Variants in PCDH15 observed in about 807,000 individuals in gnomAD.
PCDH15 encodes protocadherin-15.
Under a neutral mutation model 178.5 loss-of-function variants are expected in PCDH15, and 129 were observed. The ratio of observed to expected loss-of-function variants is 0.72; its 90% CI spans 0.63 to 0.84. The LOEUF is 0.84. Ranked by LOEUF, PCDH15 falls within the 40% of genes least tolerant of loss-of-function variation. The probability of loss-of-function intolerance (pLI) is 0.00; values close to 1 mark genes in which losing one functional copy is unlikely to be tolerated. For missense variants in PCDH15, 2,230 were observed against 2,099.9 expected, an observed-to-expected ratio of 1.06 and a Z score of -1.21; for synonymous variants, 800 against 732.0, an observed-to-expected ratio of 1.09 and a Z score of -1.50.
chr10:54,801,591 A>G (rs1005531372), upstream of PCDH15, among the ~76,000 whole-genome samples: 1 of 152,198 alleles, frequency 6.6e-6, no homozygotes, highest in Non-Finnish European at 1.5e-5. Flanking sequence ...CGTTGACAAG[A>G]TAAAATAATC....
At chr10:54,819,032 C>A (rs980621832) in intron 3 of PCDH15, among the ~76,000 whole-genome samples, 5 of 151,976 alleles carry the variant, frequency 3.3e-5, no homozygotes, top group African/African-American at 1.2e-4. Flanking sequence ...TCAAGAAATT[C>A]TCCTGTCTTA....
chr10:55,329,677 T>C (rs201275009), intron 2 of PCDH15, among the ~76,000 whole-genome samples: 1 of 151,790 alleles, frequency 6.6e-6, no homozygotes, highest in Non-Finnish European at 1.5e-5. Flanking sequence ...ATGAAACCTA[T>C]AGAGAGTGGG....
intron 2 of PCDH15, among the ~76,000 whole-genome samples, chr10:55,070,343 A>C (rs1246365566): frequency 2.5e-3 from 372 of 151,802 alleles, no homozygotes; most frequent in Non-Finnish European, 3.3e-3. Flanking sequence ...TTAGACATGA[A>C]GTCCTTGCCC....
At chr10:55,586,262 C>G (rs949609880) in intron 2 of PCDH15, among the ~76,000 whole-genome samples, 1 of 151,938 alleles carries the variant, frequency 6.6e-6, no homozygotes, top group Non-Finnish European at 1.5e-5. Flanking sequence ...ATCTAACTTA[C>G]TACGAACCCC....
At chr10:53,892,476 AATG>A (rs1279207272) in intron 26 of PCDH15, among the ~76,000 whole-genome samples, 5 of 152,154 alleles carry the variant, frequency 3.3e-5, no homozygotes, top group African/African-American at 7.2e-5. Flanking sequence ...TTGCTAGGAG[AATG>A]ATATTTTTTG....
At chr10:54,295,787 G>A (rs1255598422) in intron 8 of PCDH15, among the ~76,000 whole-genome samples, 1 of 152,126 alleles carries the variant, frequency 6.6e-6, no homozygotes, top group African/African-American at 2.4e-5. Flanking sequence ...CCTTTCACTT[G>A]CAATTCTGTT....
chr10:54,693,128 A>T (rs1478258699), intron 1 of PCDH15, among the ~76,000 whole-genome samples: 1 of 151,974 alleles, frequency 6.6e-6, no homozygotes, highest in Non-Finnish European at 1.5e-5. Context: ...GAGTGAGAAC[A>T]TGTGGTATTT....
chr10:54,919,038 T>C (rs1837416987), intron 2 of PCDH15, among the ~76,000 whole-genome samples: 1 of 152,174 alleles, frequency 6.6e-6, no homozygotes, highest in African/African-American at 2.4e-5. Flanking sequence ...GTGTAGTTTA[T>C]ATTAAATGCT....
At chr10:54,891,494 C>A (rs974182263) in intron 3 of PCDH15, among the ~76,000 whole-genome samples, 25 of 152,060 alleles carry the variant, frequency 1.6e-4, no homozygotes, top group African/African-American at 6.0e-4. Flanking sequence ...TTCTAGCCTA[C>A]AACATTTGTG....
intron 23 of PCDH15, among the ~76,000 whole-genome samples, chr10:53,956,324 G>A (rs1394023931): frequency 6.6e-6 from 1 of 151,954 alleles, no homozygotes; most frequent in Non-Finnish European, 1.5e-5. Context: ...GGATTTAGGA[G>A]GCATCCAGAT....
chr10:54,986,959 C>T (rs901065047), intron 2 of PCDH15, among the ~76,000 whole-genome samples: 28 of 152,148 alleles, frequency 1.8e-4, no homozygotes, highest in African/African-American at 6.3e-4. Flanking sequence ...CATAGATATA[C>T]GTGTGCTATG....
At chr10:54,264,809 A>C (rs562974382) in intron 8 of PCDH15, among the ~76,000 whole-genome samples, 1 of 152,310 alleles carries the variant, frequency 6.6e-6, no homozygotes, top group African/African-American at 2.4e-5. Flanking sequence ...GAGAGAAAAG[A>C]AAAAATAACC....
chr10:54,268,694 T>C (rs2057854960), intron 8 of PCDH15, among the ~76,000 whole-genome samples: 1 of 151,892 alleles, frequency 6.6e-6, no homozygotes, highest in Non-Finnish European at 1.5e-5. Flanking sequence ...CTGCTTCTTA[T>C]CAATAATAAT....
chr10:54,041,628 T>G (rs890167714), intron 18 of PCDH15, among the ~76,000 whole-genome samples: 3 of 152,102 alleles, frequency 2.0e-5, no homozygotes, highest in African/African-American at 7.2e-5. Flanking sequence ...AAGACAAATG[T>G]CAACCAAAAT....
Position 54,715,704 on chromosome 10 carries a change from C to T in PCDH15, c.-28-51414G>A, listed in dbSNP as rs531888610. On this transcript the variant is annotated intron_variant, in intron 1 of 37. Transcript: ENST00000644397. Reference sequence around the variant, plus strand: ...CCACACAGACAATTTAGTACAGCAGCACTCCCTCCACGTCACACTCAGACA... The same window carrying T: ...CCACACAGACAATTTAGTACAGCAGTACTCCCTCCACGTCACACTCAGACA... 1.6e-3 allele frequency among the ~76,000 whole-genome samples: 251 copies of T among 152,156 alleles called. 1 individual carries two copies. In the Middle Eastern group the frequency reaches 0.017, roughly 10 times the overall value.
At chr10:55,239,719 CAAAGG>C (rs1841489832) in intron 1 of PCDH15, among the ~76,000 whole-genome samples, 1 of 151,860 alleles carries the variant, frequency 6.6e-6, no homozygotes, top group Non-Finnish European at 1.5e-5. Context: ...TTTTGCACAA[CAAAGG>C]AAACAATCAG....
intron 2 of PCDH15, among the ~76,000 whole-genome samples, chr10:55,544,777 T>C (rs976721833): frequency 6.6e-5 from 10 of 152,130 alleles, no homozygotes; most frequent in Non-Finnish European, 1.3e-4. Context: ...TGTGCACATA[T>C]GCAGACACAC....
chr10:54,522,229 A>G lies in PCDH15; in HGVS notation c.157+5583T>C, dbSNP rs934316075. Among the ~76,000 whole-genome samples, 3 of 152,066 alleles carry G rather than the reference A, an allele frequency of 2.0e-5. No homozygotes were observed. In the East Asian group the frequency reaches 5.8e-4, roughly 29 times the overall value. On this transcript the variant is annotated intron_variant, in intron 3 of 37. Transcript: ENST00000644397. ...AAAAGAATTATTCTTTGTAAATTATATGTTACTAGATGAGGTCACCATCAA... is the reference window on the plus strand; with the variant it reads ...AAAAGAATTATTCTTTGTAAATTATGTGTTACTAGATGAGGTCACCATCAA...
At chr10:55,587,869 T>C (rs1842757875) in intron 2 of PCDH15, among the ~76,000 whole-genome samples, 1 of 152,144 alleles carries the variant, frequency 6.6e-6, no homozygotes, top group African/African-American at 2.4e-5. Flanking sequence ...GGGTGCTCAG[T>C]ACAGGTTTGT....
Sources: allele counts gnomAD v4.1 joint callset (sites outside exome capture counted in the v4.1 genomes callset), GRCh38; gene constraint gnomAD v4.1.1; transcripts MANE v1.5; gene names NCBI Gene and HGNC (gene_info 2026-07-23, HGNC 2026-07-21).